The following MANBA variants were observed in gnomAD, a reference collection of about 807,000 sequenced individuals.
The protein encoded by MANBA is beta-mannosidase.
In MANBA, 83 loss-of-function variants were observed where a neutral mutation model predicts 111.1. The ratio of observed to expected loss-of-function variants is 0.75; its 90% CI spans 0.63 to 0.90. The LOEUF (loss-of-function observed/expected upper bound fraction) is 0.90. Ranked by LOEUF, MANBA falls within the 40% of genes least tolerant of loss-of-function variation. The probability of loss-of-function intolerance (pLI) is 0.00; values close to 1 mark genes in which losing one functional copy is unlikely to be tolerated. For missense variants in MANBA, 1,036 were observed against 1,069.0 expected (o/e 0.97, Z 0.43); for synonymous variants, 370 against 378.7 (o/e 0.98, Z 0.27).
intron 2 of MANBA, among the ~76,000 whole-genome samples, chr4:102,725,659 G>A (rs1196733648): frequency 1.3e-5 from 2 of 152,136 alleles, no homozygotes; most frequent in Non-Finnish European, 2.9e-5. Context: ...TGAAAAGATT[G>A]GAGAATAAAA....
chr4:102,747,209 T>C (rs1169508827), intron 1 of MANBA, among the ~76,000 whole-genome samples: 1 of 150,920 alleles, frequency 6.6e-6, no homozygotes, highest in East Asian at 1.9e-4. Flanking sequence ...ACTCACATGA[T>C]CACAAGGTCC....
chr4:102,674,822 A>T (rs1731655921), intron 7 of MANBA, among the ~76,000 whole-genome samples: 1 of 152,202 alleles, frequency 6.6e-6, no homozygotes, highest in Non-Finnish European at 1.5e-5. Flanking sequence ...AATTGGATCA[A>T]GTTTATATAA....
intron 11 of MANBA, among the ~76,000 whole-genome samples, chr4:102,658,522 A>G (rs1432713525): frequency 6.6e-6 from 1 of 152,198 alleles, no homozygotes; most frequent in Non-Finnish European, 1.5e-5. Flanking sequence ...GCCTTGGTAG[A>G]TTTATCTGTA....
At chr4:102,751,574 G>A (rs543427617) in intron 1 of MANBA, 48 of 537,812 alleles carry the variant, frequency 8.9e-5, no homozygotes, top group Admixed American at 5.8e-4. Flanking sequence ...TCCTTATTAA[G>A]GGCCAGTTTC....
chr4:102,654,575 A>AG (rs1203915393), intron 12 of MANBA, among the ~76,000 whole-genome samples: 1 of 152,202 alleles, frequency 6.6e-6, no homozygotes, highest in African/African-American at 2.4e-5. Flanking sequence ...CAACTGATGC[A>AG]GGGGGAGCAA....
At chr4:102,731,406 C>A (rs1723029791) in intron 1 of MANBA, among the ~76,000 whole-genome samples, 2 of 152,306 alleles carry the variant, frequency 1.3e-5, no homozygotes, top group South Asian at 2.1e-4. Context: ...ATTGGATTCA[C>A]TTAGCATTTC....
chr4:102,639,392 C>T (rs1729767341), intron 14 of MANBA, among the ~76,000 whole-genome samples: 1 of 152,130 alleles, frequency 6.6e-6, no homozygotes, highest in Non-Finnish European at 1.5e-5. Flanking sequence ...CCTGGAATGC[C>T]CTCTTAAATA....
At chr4:102,674,232 A>G (rs1731623803) in intron 7 of MANBA, among the ~76,000 whole-genome samples, 162 bp from the exon 8 acceptor site, 1 of 152,342 alleles carries the variant, frequency 6.6e-6, no homozygotes, top group Non-Finnish European at 1.5e-5. Flanking sequence ...TTTCAGGAAT[A>G]TACACATATA....
intron 1 of MANBA, among the ~76,000 whole-genome samples, chr4:102,753,337 T>C (rs1427626130): frequency 3.9e-5 from 6 of 152,138 alleles, no homozygotes; most frequent in African/African-American, 1.2e-4. Context: ...TTCTTCCTTC[T>C]TTATATTTTC....
At chr4:102,723,772 C>T (rs1287271914) in intron 3 of MANBA, 90 bp downstream of exon 3, 4 of 723,796 alleles carry the variant, frequency 5.5e-6, no homozygotes, top group African/African-American at 1.8e-5. Context: ...TGTCACATGG[C>T]CAATTATGCA....
intron 10 of MANBA, chr4:102,665,196 C>T (rs930466994): frequency 3.8e-6 from 1 of 264,814 alleles, no homozygotes; most frequent in African/African-American, 2.3e-5. Context: ...TCAGGAAATA[C>T]AAAAGGCAGG....
chr4:102,641,277 C>A (rs1729868612), intron 13 of MANBA, among the ~76,000 whole-genome samples: 1 of 152,152 alleles, frequency 6.6e-6, no homozygotes, highest in South Asian at 2.1e-4. Context: ...GCACAGGAAG[C>A]CGGGAGCAAT....
chr4:102,730,966 G>T (rs1723011813), intron 1 of MANBA, among the ~76,000 whole-genome samples: 1 of 151,834 alleles, frequency 6.6e-6, no homozygotes, highest in Admixed American at 6.6e-5. Flanking sequence ...CTCCACCTCT[G>T]TCCCCCTCCC....
intron 1 of MANBA, chr4:102,751,465 T>C (rs1723789149): frequency 1.9e-6 from 1 of 523,044 alleles, no homozygotes; most frequent in Non-Finnish European, 3.9e-6. Flanking sequence ...GATGTTTCCT[T>C]CTCAATCCCT....
chr4:102,648,780 T>A (rs932744636), intron 13 of MANBA, among the ~76,000 whole-genome samples: 1 of 152,082 alleles, frequency 6.6e-6, no homozygotes, highest in Non-Finnish European at 1.5e-5. Context: ...GCCATAACAT[T>A]CACAAATCTT....
chr4:102,755,133 A>C (rs1723960180), intron 1 of MANBA, among the ~76,000 whole-genome samples: 1 of 152,180 alleles, frequency 6.6e-6, no homozygotes, highest in Non-Finnish European at 1.5e-5. Flanking sequence ...TAAAGTTCAT[A>C]TGGAACCCAA....
chr4:102,760,640 G>T (rs1724205092), intron 1 of MANBA, 78 bp downstream of exon 1: 5 of 1,411,042 alleles, frequency 3.5e-6, no homozygotes, highest in East Asian at 5.0e-5. Flanking sequence ...GCTGGGGGCT[G>T]CCAGGCGGTT....
chr4:102,652,756 G>A (rs965100757), intron 12 of MANBA, among the ~76,000 whole-genome samples: 2 of 152,072 alleles, frequency 1.3e-5, no homozygotes, highest in Non-Finnish European at 2.9e-5. Flanking sequence ...TCAGCCTGGT[G>A]TGGTGGCACA....
Position 102,631,753 on chromosome 4 carries a change from C to T in MANBA, c.*304G>A. On this transcript the variant is annotated 3_prime_UTR_variant, in exon 17 of 17. Coordinates refer to ENST00000647097, the MANE Select transcript of MANBA (RefSeq NM_005908.4). ...CATGTCACATTCTTGTAACCAGCTG[C>T]AGGGCCATCTTGTTATAACTGGTTC... The T allele has an allele frequency of 3.5e-6, 2 of 574,768 alleles. No homozygotes were observed. Among genetic ancestry groups the T allele is most frequent in the Non-Finnish European group, 6.1e-6 (2 of 325,344 alleles). The allele number at this position is 574,768 out of a possible 1,614,324, so 35.6% of individuals were successfully genotyped here.
Sources: allele counts gnomAD v4.1 joint callset (sites outside exome capture counted in the v4.1 genomes callset), GRCh38; gene constraint gnomAD v4.1.1; transcripts MANE v1.5; gene names NCBI Gene and HGNC (gene_info 2026-07-23, HGNC 2026-07-21).